Variants in MTHFD2L observed in about 807,000 individuals in gnomAD.
MTHFD2L encodes the protein bifunctional methylenetetrahydrofolate dehydrogenase/cyclohydrolase 2, mitochondrial.
MTHFD2L carries 29 observed loss-of-function variants against 34.9 expected under a neutral mutation model. That is an observed-to-expected ratio of 0.83 (90% CI 0.62 to 1.13). The LOEUF is 1.13. Among genes scored for constraint, MTHFD2L ranks in the 50% most tolerant of loss-of-function variants. The pLI, the probability that MTHFD2L is intolerant of heterozygous loss-of-function variation, is 0.00. For missense variants in MTHFD2L, 481 were observed against 446.5 expected (o/e 1.08, Z -0.70); for synonymous variants, 167 against 155.7 (o/e 1.07, Z -0.54).
intron 6 of MTHFD2L, among the ~76,000 whole-genome samples, chr4:74,238,756 A>G (rs1044377759): frequency 2.6e-5 from 4 of 152,252 alleles, no homozygotes; most frequent in Admixed American, 2.6e-4. Flanking sequence ...GTTATTGGTC[A>G]TCAGAGAAGT....
chr4:74,217,880 A>C (rs1737458801), intron 5 of MTHFD2L, among the ~76,000 whole-genome samples: 1 of 152,136 alleles, frequency 6.6e-6, no homozygotes, highest in African/African-American at 2.4e-5. Flanking sequence ...GCATATTTAA[A>C]GGGGAATTGA....
chr4:74,201,153 A>C (rs930189232), intron 4 of MTHFD2L, 110 bp from the exon 5 acceptor site: 11 of 696,266 alleles, frequency 1.6e-5, no homozygotes, highest in Non-Finnish European at 2.4e-5. Context: ...GCCACATAAT[A>C]ATTCAGATTT....
upstream of MTHFD2L, chr4:74,157,190 T>C (rs1447609594): frequency 6.2e-6 from 1 of 161,662 alleles, no homozygotes; most frequent in Non-Finnish European, 1.4e-5. Flanking sequence ...AAGAGTAGGG[T>C]ATCCCATTCT....
intron 7 of MTHFD2L, among the ~76,000 whole-genome samples, chr4:74,283,193 G>A (rs561079849): frequency 2.6e-5 from 4 of 152,130 alleles, no homozygotes; most frequent in Admixed American, 2.6e-4. Context: ...TTACCCAGCA[G>A]TTCAGTCCAG....
chr4:74,151,752 G>C (rs1451950867), intron 1 of MTHFD2L, among the ~76,000 whole-genome samples: 1 of 152,160 alleles, frequency 6.6e-6, no homozygotes, highest in Non-Finnish European at 1.5e-5. Context: ...TTTAGTGAAA[G>C]TCGACATATT....
chr4:74,159,007 C>A (rs1470159295), intron 1 of MTHFD2L, among the ~76,000 whole-genome samples: 1 of 152,186 alleles, frequency 6.6e-6, no homozygotes, highest in Non-Finnish European at 1.5e-5. Context: ...TTCAGACTTT[C>A]AGGGCTTCCA....
chr4:74,249,444 G>T (rs550986929), intron 6 of MTHFD2L, among the ~76,000 whole-genome samples: 1 of 152,138 alleles, frequency 6.6e-6, no homozygotes, highest in African/African-American at 2.4e-5. Context: ...CAATTTGCCA[G>T]TCTGTGTCTT....
intron 1 of MTHFD2L, among the ~76,000 whole-genome samples, chr4:74,128,731 G>T (rs1047509416): frequency 1.3e-5 from 2 of 152,012 alleles, no homozygotes; most frequent in Non-Finnish European, 2.9e-5. Flanking sequence ...ATGTAAATTT[G>T]AGAATTTTTT....
At chr4:74,167,744 T>C (rs1015298912) in intron 1 of MTHFD2L, among the ~76,000 whole-genome samples, 9 of 152,212 alleles carry the variant, frequency 5.9e-5, no homozygotes, top group African/African-American at 2.2e-4. Flanking sequence ...AATTAAAATA[T>C]GACTGGTGTG....
intron 6 of MTHFD2L, among the ~76,000 whole-genome samples, chr4:74,257,201 A>G (rs1744134536): frequency 6.6e-6 from 1 of 152,072 alleles, no homozygotes; most frequent in Non-Finnish European, 1.5e-5. Flanking sequence ...ATTTCTAGGT[A>G]TTTTGTATGT....
chr4:74,169,423 T>C (rs369090992), intron 1 of MTHFD2L, among the ~76,000 whole-genome samples: 7 of 152,344 alleles, frequency 4.6e-5, no homozygotes, highest in East Asian at 1.9e-4. Context: ...GAACAAATTA[T>C]TTTGTTTAAT....
chr4:74,138,955 T>C (rs914777028), intron 1 of MTHFD2L, among the ~76,000 whole-genome samples: 2 of 152,146 alleles, frequency 1.3e-5, no homozygotes, highest in African/African-American at 4.8e-5. Flanking sequence ...CTTTACTACC[T>C]GATTGGTTGA....
At chr4:74,153,113 G>A (rs183158671), upstream of MTHFD2L, among the ~76,000 whole-genome samples, 16 of 152,130 alleles carry the variant, frequency 1.1e-4, no homozygotes, top group Admixed American at 1.0e-3. Context: ...CTTATGAATG[G>A]GCTTCTTTGC....
intron 6 of MTHFD2L, chr4:74,268,280 TAGAA>T: frequency 1.0e-6 from 1 of 980,902 alleles, no homozygotes; most frequent in Non-Finnish European, 1.2e-6. Context: ...TTTTCTAATC[TAGAA>T]AGAAGCATAC....
At chr4:74,265,900 T>G (rs746799853) in intron 6 of MTHFD2L, among the ~76,000 whole-genome samples, 2 of 152,234 alleles carry the variant, frequency 1.3e-5, no homozygotes, top group African/African-American at 2.4e-5. Context: ...TTTGCAGATG[T>G]GGAGACGTCA....
chr4:74,261,017 A>T (rs1009838857), intron 6 of MTHFD2L, among the ~76,000 whole-genome samples: 107 of 140,076 alleles, frequency 7.6e-4, no homozygotes, highest in South Asian at 1.1e-3. Flanking sequence ...AATAGAAAAA[A>T]ATATATATAT....
chr4:74,269,247 G>T (rs776620104), intron 6 of MTHFD2L, among the ~76,000 whole-genome samples: 4 of 152,062 alleles, frequency 2.6e-5, no homozygotes, highest in Non-Finnish European at 4.4e-5. Context: ...GTTGATAAAA[G>T]GATTAATTAG....
chr4:74,209,801 A>C (rs1310945051), intron 5 of MTHFD2L, among the ~76,000 whole-genome samples: 1 of 151,820 alleles, frequency 6.6e-6, no homozygotes, highest in Non-Finnish European at 1.5e-5. Context: ...ACTAATTTAC[A>C]CTCCCACCAA....
intron 3 of MTHFD2L, among the ~76,000 whole-genome samples, chr4:74,176,978 A>G (rs1432019001): frequency 1.3e-5 from 2 of 151,988 alleles, no homozygotes; most frequent in African/African-American, 2.4e-5. Context: ...TGCTGTTTAC[A>G]TTATATCAAA....
Sources: allele counts gnomAD v4.1 joint callset (sites outside exome capture counted in the v4.1 genomes callset), GRCh38; gene constraint gnomAD v4.1.1; transcripts MANE v1.5; gene names NCBI Gene and HGNC (gene_info 2026-07-23, HGNC 2026-07-21).